Variants in CCDC93 observed in about 807,000 individuals in gnomAD.
CCDC93 encodes coiled-coil domain-containing protein 93.
CCDC93 carries 61 observed loss-of-function variants against 108.2 expected under a neutral mutation model. The ratio of observed to expected loss-of-function variants is 0.56; its 90% CI spans 0.46 to 0.70. CCDC93 has a LOEUF of 0.70. Among genes scored for constraint, CCDC93 ranks in the 30% least tolerant of loss-of-function variants. CCDC93 has a pLI of 0.00. For synonymous variants in CCDC93, 276 were observed against 260.4 expected (o/e 1.06, Z -0.58); for missense variants, 685 against 764.2 (o/e 0.90, Z 1.22).
intron 23 of CCDC93, among the ~76,000 whole-genome samples, chr2:117,923,662 C>T (rs188541268): frequency 8.5e-6 from 1 of 117,658 alleles, no homozygotes; most frequent in East Asian, 2.1e-4. Flanking sequence ...GGAGGCCTGC[C>T]TGCCTGCCTG....
intron 6 of CCDC93, among the ~76,000 whole-genome samples, chr2:117,987,101 C>G (rs180982741): frequency 6.6e-6 from 1 of 151,158 alleles, no homozygotes; most frequent in Admixed American, 6.6e-5. Context: ...GCTAAAAGGA[C>G]CTTTTATTCC....
At chr2:117,951,693 G>T in intron 13 of CCDC93, 1 of 1,000,166 alleles carries the variant, frequency 1.0e-6, no homozygotes, top group South Asian at 4.7e-5. Context: ...TCTGGATGAG[G>T]ATAGTTCTCT....
intron 11 of CCDC93, among the ~76,000 whole-genome samples, chr2:117,960,636 T>G (rs1280832290): frequency 1.3e-5 from 2 of 152,254 alleles, no homozygotes; most frequent in Admixed American, 1.3e-4. Flanking sequence ...GAATTCTTCT[T>G]GCAGGAAAAC....
In CCDC93 at chr2:118,014,006, G is replaced by A. The variant is rs765562357; in HGVS notation, c.-11C>T. ...CCTGGGCAACCCCATGATCCGACCG[G>A]GCTGTCGTAAGGCGAGAGCGAAGCC... On this transcript the variant is annotated 5_prime_UTR_variant, in exon 1 of 24. Transcript: ENST00000376300. 1.3e-6 allele frequency: 2 copies of A among 1,594,596 alleles called. No homozygotes were observed. Among genetic ancestry groups the A allele is most frequent in the East Asian group, 4.6e-5 (2 of 43,780 alleles).
intron 12 of CCDC93, among the ~76,000 whole-genome samples, chr2:117,954,077 C>T (rs1679144358): frequency 6.6e-6 from 1 of 152,174 alleles, no homozygotes; most frequent in Non-Finnish European, 1.5e-5. Context: ...TTTGATAGAG[C>T]AGCCTAAATG....
At chr2:117,981,027 A>G (rs1384742111) in intron 7 of CCDC93, among the ~76,000 whole-genome samples, 2 of 152,202 alleles carry the variant, frequency 1.3e-5, no homozygotes, top group African/African-American at 2.4e-5. Flanking sequence ...ATGAATCACT[A>G]CTTAATTCCA....
chr2:117,973,849 G>T (rs1177233730), intron 11 of CCDC93, 59 bp downstream of exon 11: 4 of 1,317,950 alleles, frequency 3.0e-6, no homozygotes, highest in Non-Finnish European at 3.2e-6. Context: ...TAAGGAAGTG[G>T]GAGAACAAAG....
chr2:118,003,263 A>C (rs1288024785), intron 3 of CCDC93, among the ~76,000 whole-genome samples: 2 of 152,222 alleles, frequency 1.3e-5, no homozygotes, highest in African/African-American at 2.4e-5. Flanking sequence ...CCCATTTGGC[A>C]ACATATCTAA....
chr2:117,924,500 G>A (rs148752847), intron 23 of CCDC93, among the ~76,000 whole-genome samples: 9,325 of 152,294 alleles, frequency 0.061, 316 homozygotes, highest in Middle Eastern at 0.15. Flanking sequence ...CTCAGTAGCC[G>A]ATTTGATCAA....
chr2:117,983,422 A>T (rs1680209685), intron 7 of CCDC93, among the ~76,000 whole-genome samples: 1 of 152,046 alleles, frequency 6.6e-6, no homozygotes, highest in Non-Finnish European at 1.5e-5. Context: ...TTTTCAGTGA[A>T]CCTTCAGAGG....
At chr2:117,950,305 A>AAT (rs2104743204) in intron 13 of CCDC93, 1 of 985,252 alleles carries the variant, frequency 1.0e-6, no homozygotes, top group African/African-American at 1.7e-5. Context: ...CTTAATAGTT[A>AAT]CAGAGCAAGC....
intron 22 of CCDC93, among the ~76,000 whole-genome samples, chr2:117,932,719 C>T (rs1380391371): frequency 6.6e-6 from 1 of 152,166 alleles, no homozygotes; most frequent in Non-Finnish European, 1.5e-5. Context: ...TCGATGGAAC[C>T]CCTAATGCTG....
At chr2:117,984,134 C>T (rs1680243607) in intron 7 of CCDC93, among the ~76,000 whole-genome samples, 1 of 152,000 alleles carries the variant, frequency 6.6e-6, no homozygotes, top group Non-Finnish European at 1.5e-5. Context: ...GTCCTAAGTA[C>T]CCACTACTCC....
In CCDC93 at chr2:117,996,318, G is replaced by A. The variant is rs761151442; in HGVS notation, c.408C>T (p.Asp136=). 2 of 1,613,792 alleles carry A rather than the reference G, an allele frequency of 1.2e-6. No individual in the cohort carries two copies. The highest frequency in any genetic ancestry group is 3.3e-5 in the Admixed American group (2 of 60,016). ...GGGATACAGAGTAGGAGCGGATATA[G>A]TCACCCATCTCTTCTTTTGTTTCTA... ...RAIETKEEMG[D]YIRSYSVSQF... The change falls in exon 5 of 24, where the codon GAC becomes GAT. Residue 136 remains aspartate, a synonymous_variant. Coordinates refer to ENST00000376300, the MANE Select transcript of CCDC93 (RefSeq NM_019044.5).
intron 12 of CCDC93, among the ~76,000 whole-genome samples, chr2:117,955,389 T>C (rs1236845463): frequency 8.2e-6 from 1 of 121,462 alleles, no homozygotes; most frequent in Non-Finnish European, 1.7e-5. Flanking sequence ...GAGTTTGGAA[T>C]CCCTCACATA....
chr2:117,964,006 T>C (rs1573493602), intron 11 of CCDC93, among the ~76,000 whole-genome samples: 2 of 152,238 alleles, frequency 1.3e-5, no homozygotes, highest in South Asian at 2.1e-4. Flanking sequence ...TTAGGTATTG[T>C]ATACTAATTA....
chr2:117,985,068 C>A (rs565793980), intron 7 of CCDC93, among the ~76,000 whole-genome samples: 20 of 151,736 alleles, frequency 1.3e-4, no homozygotes, highest in African/African-American at 4.8e-4. Context: ...CCATCACACG[C>A]AGCCTAGGGC....
At chr2:117,930,962 G>A (rs1678304654) in intron 23 of CCDC93, 75 bp downstream of exon 23, 2 of 983,840 alleles carry the variant, frequency 2.0e-6, no homozygotes, top group East Asian at 4.9e-5. Context: ...AAAAACTGCT[G>A]TTTTTTAGTG....
intron 11 of CCDC93, among the ~76,000 whole-genome samples, chr2:117,972,098 C>T (rs952684279): frequency 6.6e-6 from 1 of 152,168 alleles, no homozygotes. Flanking sequence ...CCTCCATATA[C>T]ACTGGTTTTG....
Sources: allele counts gnomAD v4.1 joint callset (sites outside exome capture counted in the v4.1 genomes callset), GRCh38; gene constraint gnomAD v4.1.1; transcripts MANE v1.5; gene names NCBI Gene and HGNC (gene_info 2026-07-23, HGNC 2026-07-21).